Variants in CTNNA2 observed in about 807,000 individuals in gnomAD.
CTNNA2 encodes the protein catenin alpha 2, also known as catenin alpha-2.
A neutral mutation model predicts 101.0 loss-of-function variants in CTNNA2; 42 were observed. The ratio of observed to expected loss-of-function variants is 0.42; its 90% CI spans 0.32 to 0.54. The LOEUF is 0.54. Ranked by LOEUF, CTNNA2 falls within the 20% of genes least tolerant of loss-of-function variation. The probability of loss-of-function intolerance (pLI) is 0.14; values close to 1 mark genes in which losing one functional copy is unlikely to be tolerated. For missense variants in CTNNA2, 871 were observed against 1,223.1 expected, an observed-to-expected ratio of 0.71 and a Z score of 4.29; for synonymous variants, 450 against 456.4, an observed-to-expected ratio of 0.99 and a Z score of 0.18.
intron 4 of CTNNA2, among the ~76,000 whole-genome samples, chr2:79,480,949 T>C (rs952471526): frequency 6.6e-6 from 1 of 152,126 alleles, no homozygotes; most frequent in South Asian, 2.1e-4. Flanking sequence ...TATTTTACTG[T>C]CTGATTATAT....
At chr2:80,149,910 C>T (rs1043780639) in intron 7 of CTNNA2, among the ~76,000 whole-genome samples, 14 of 152,048 alleles carry the variant, frequency 9.2e-5, no homozygotes, top group African/African-American at 3.4e-4. Flanking sequence ...TGTTTAAACA[C>T]AAAAAACACA....
At chr2:79,817,211 G>C (rs1026845692) in intron 3 of CTNNA2, among the ~76,000 whole-genome samples, 2 of 150,774 alleles carry the variant, frequency 1.3e-5, no homozygotes, top group Non-Finnish European at 2.9e-5. Flanking sequence ...AACAGTCCCT[G>C]GTGTGTGATG....
intron 9 of CTNNA2, among the ~76,000 whole-genome samples, chr2:80,518,276 T>C (rs991662666): frequency 6.6e-6 from 1 of 152,298 alleles, no homozygotes; most frequent in Admixed American, 6.5e-5. Flanking sequence ...ATGGAATAAT[T>C]GGATCAGTCT....
chr2:80,614,449 C>T (rs925260197), intron 17 of CTNNA2, among the ~76,000 whole-genome samples: 1 of 151,396 alleles, frequency 6.6e-6, no homozygotes, highest in Admixed American at 6.6e-5. Context: ...AAATACTATG[C>T]CATTTTATAT....
intron 1 of CTNNA2, among the ~76,000 whole-genome samples, chr2:79,606,401 G>A (rs1169312808): frequency 1.3e-5 from 2 of 152,098 alleles, no homozygotes; most frequent in Admixed American, 6.6e-5. Flanking sequence ...CCGAGTAGCT[G>A]GGACTACAGA....
At chr2:79,925,877 CTT>C (rs5832421) in intron 7 of CTNNA2, among the ~76,000 whole-genome samples, 25,240 of 150,346 alleles carry the variant, frequency 0.17, 2,165 homozygotes, top group Middle Eastern at 0.24. Flanking sequence ...ACATCTAAGA[CTT>C]TTTTTTTTTC....
intron 3 of CTNNA2, among the ~76,000 whole-genome samples, chr2:79,814,217 C>T (rs1335374902): frequency 2.0e-5 from 3 of 151,984 alleles, no homozygotes; most frequent in Non-Finnish European, 4.4e-5. Flanking sequence ...CAACTGAACC[C>T]ATAAGAATTT....
intron 7 of CTNNA2, among the ~76,000 whole-genome samples, chr2:80,194,710 C>T (rs1054404392): frequency 6.0e-5 from 9 of 149,860 alleles, no homozygotes; most frequent in Non-Finnish European, 1.0e-4. Flanking sequence ...GAAAAATACC[C>T]GTGTGTCACT....
intron 1 of CTNNA2, among the ~76,000 whole-genome samples, chr2:79,581,119 T>A (rs1676121918): frequency 6.6e-6 from 1 of 152,218 alleles, no homozygotes; most frequent in Non-Finnish European, 1.5e-5. Flanking sequence ...ATTAAGTCCC[T>A]TGGTAATCTT....
chr2:80,343,097 C>G (rs1672385940), intron 7 of CTNNA2, among the ~76,000 whole-genome samples: 1 of 152,136 alleles, frequency 6.6e-6, no homozygotes, highest in African/African-American at 2.4e-5. Context: ...TAGGGCATAT[C>G]TAATGACCTC....
intron 2 of CTNNA2, among the ~76,000 whole-genome samples, chr2:79,213,696 G>C (rs12713980): frequency 6.6e-6 from 1 of 151,978 alleles, no homozygotes; most frequent in Non-Finnish European, 1.5e-5. Context: ...AGGGTCAGCT[G>C]TGGTATCCAG....
At chr2:79,450,532 C>T (rs1347249201) in intron 4 of CTNNA2, among the ~76,000 whole-genome samples, 4 of 152,026 alleles carry the variant, frequency 2.6e-5, no homozygotes. Flanking sequence ...TAAGATAGAA[C>T]TCATTTTACT....
chr2:79,438,343 A>G (rs1040019128), intron 4 of CTNNA2, among the ~76,000 whole-genome samples: 1 of 152,172 alleles, frequency 6.6e-6, no homozygotes, highest in Non-Finnish European at 1.5e-5. Context: ...TGGAACGCAC[A>G]AAGCCCTGTG....
intron 7 of CTNNA2, among the ~76,000 whole-genome samples, chr2:80,014,798 C>A (rs576922458): frequency 6.6e-6 from 1 of 152,196 alleles, no homozygotes; most frequent in Non-Finnish European, 1.5e-5. Flanking sequence ...AAAATAGATG[C>A]ACTGAATGAG....
rs1387522889 is a variant in CTNNA2 at position 79,732,234 on chromosome 2, T to C, written c.103-12153T>C. ...TGTCTCCATGTTGTTTGTTTTCTGC[T>C]CTGAGAGATGCCAACAAGTGGCAAT... On this transcript the variant is annotated intron_variant, in intron 2 of 18. Transcript: ENST00000402739. Among the ~76,000 whole-genome samples, 3 of 152,084 alleles carry C rather than the reference T, an allele frequency of 2.0e-5. No individual in the cohort carries two copies. In the East Asian group the frequency reaches 5.8e-4, roughly 29 times the overall value.
chr2:80,454,980 G>A (rs1326485302), intron 9 of CTNNA2, among the ~76,000 whole-genome samples: 2 of 152,258 alleles, frequency 1.3e-5, no homozygotes, highest in African/African-American at 2.4e-5. Flanking sequence ...TTTCACAATT[G>A]AGGAGCCAGA....
At chr2:80,227,494 A>G (rs945172090) in intron 7 of CTNNA2, among the ~76,000 whole-genome samples, 2 of 152,204 alleles carry the variant, frequency 1.3e-5, no homozygotes, top group African/African-American at 4.8e-5. Context: ...TGATATTTCC[A>G]GGCATTCAGC....
At chr2:79,301,377 C>A (rs1676104146) in intron 2 of CTNNA2, among the ~76,000 whole-genome samples, 1 of 152,174 alleles carries the variant, frequency 6.6e-6, no homozygotes, top group South Asian at 2.1e-4. Context: ...CAAGGCCAAG[C>A]TGACTCTTGA....
chr2:79,484,726 G>A (rs1573187631), intron 4 of CTNNA2, among the ~76,000 whole-genome samples: 1 of 152,176 alleles, frequency 6.6e-6, no homozygotes, highest in South Asian at 2.1e-4. Flanking sequence ...CCTAAGCATA[G>A]TGTAGTCCAC....
Sources: gnomAD v4.1 joint callset for allele counts (sites outside exome capture counted in the v4.1 genomes callset) on GRCh38, gnomAD v4.1.1 for gene constraint, MANE v1.5 for transcripts, NCBI Gene and HGNC (gene_info 2026-07-23, HGNC 2026-07-21) for gene names.